Variants in RAB40B observed in about 807,000 individuals in gnomAD.
RAB40B encodes the protein ras-related protein Rab-40B.
Under a neutral mutation model 24.0 loss-of-function variants are expected in RAB40B, and 21 were observed. The ratio of observed to expected loss-of-function variants is 0.88; its 90% CI spans 0.62 to 1.26. RAB40B has a LOEUF of 1.26. RAB40B is among the 50% of genes most tolerant of loss of function. The pLI is 0.00. For synonymous variants in RAB40B, 167 were observed against 169.8 expected, an observed-to-expected ratio of 0.98 and a Z score of 0.13; for missense variants, 348 against 390.5, an observed-to-expected ratio of 0.89 and a Z score of 0.92.
chr17:82,671,772 C>T (rs2046340005), intron 1 of RAB40B, among the ~76,000 whole-genome samples: 1 of 28,792 alleles, frequency 3.5e-5, no homozygotes, highest in Non-Finnish European at 8.6e-5. Flanking sequence ...GCTCCCTGTA[C>T]CCACTGACAC....
At chr17:82,664,150 GT>G (rs1477687474) in intron 2 of RAB40B, among the ~76,000 whole-genome samples, 3 of 142,674 alleles carry the variant, frequency 2.1e-5, no homozygotes, top group Admixed American at 6.7e-5. Flanking sequence ...GATGGTGGTG[GT>G]GGGAGGGTGT....
At chr17:82,682,774 T>A (rs903432099) in intron 1 of RAB40B, among the ~76,000 whole-genome samples, 17 of 152,216 alleles carry the variant, frequency 1.1e-4, no homozygotes, top group African/African-American at 4.1e-4. Flanking sequence ...AATAGTCTTT[T>A]CAACAAATGC....
rs749591374 is a variant in RAB40B, at chr17:82,658,564, T to A, written c.492A>T (p.Thr164=). 3.7e-6 allele frequency: 6 copies of A among 1,613,342 alleles called. No homozygotes were observed. The East Asian group carries it at 1.1e-4, about 30-fold the overall frequency. Residue 164 remains threonine, a synonymous_variant, in exon 5 of 6, where the codon ACA becomes ACT. Transcript: ENST00000571995. ...EVSPLCNFNI[T]ESFTELARIV... ...TCCTGGCCAGCTCCGTGAACGACTC[T>A]GTGATGTTGAAATTGCACAGAGGGC...
intron 1 of RAB40B, among the ~76,000 whole-genome samples, chr17:82,682,618 G>A (rs746716374): frequency 6.6e-6 from 1 of 152,084 alleles, no homozygotes; most frequent in Non-Finnish European, 1.5e-5. Flanking sequence ...TCAAACTCAA[G>A]ACTTACTATA....
chr17:82,678,879 G>GTTTTTTTTTTTTTTTTTTTTT (rs35848277), intron 1 of RAB40B, among the ~76,000 whole-genome samples: 1 of 99,164 alleles, frequency 1.0e-5, no homozygotes, highest in African/African-American at 3.9e-5. Context: ...CCCTTTCTGC[G>GTTTTTTTTTTTTTTTTTTTTT]TTTTTTTTTT....
At chr17:82,669,867 G>A (rs1218753551) in intron 1 of RAB40B, among the ~76,000 whole-genome samples, 5 of 152,106 alleles carry the variant, frequency 3.3e-5, no homozygotes, top group Admixed American at 1.3e-4. Context: ...CACACTGAGC[G>A]TGAAACACAA....
chr17:82,664,169 GGGCGCTGTGCC>G (rs2046218751), intron 2 of RAB40B, among the ~76,000 whole-genome samples: 1 of 142,604 alleles, frequency 7.0e-6, no homozygotes, highest in African/African-American at 2.9e-5. Flanking sequence ...TGTTCCCCGG[GGGCGCTGTGCC>G]GACGGTGGTG....
chr17:82,693,957 C>T (rs1158853842), intron 1 of RAB40B, among the ~76,000 whole-genome samples: 2 of 151,282 alleles, frequency 1.3e-5, no homozygotes, highest in African/African-American at 2.5e-5. Context: ...GTGGCGCACA[C>T]CTGTAGTCCC....
chr17:82,664,628 G>C (rs2046231494), intron 1 of RAB40B, 72 bp from the exon 2 acceptor site: 1 of 1,435,894 alleles, frequency 7.0e-7, no homozygotes, highest in Admixed American at 1.8e-5. Flanking sequence ...CACGTTCAGG[G>C]AAGAAAAGGG....
chr17:82,658,535 AC>A lies in RAB40B; in HGVS notation c.520del (p.Val174CysfsTer17). On this transcript the variant is annotated frameshift_variant, in exon 5 of 6. Coordinates refer to ENST00000571995, the MANE Select transcript of RAB40B (RefSeq NM_006822.3). LOFTEE classifies it low-confidence loss of function (END_TRUNC). ...TESFTELARI[V>X]LLRHGMDRLW... The stretch of plus-strand genomic sequence containing the variant: ...CCGGTCCATCCCATGCCGCAGCAGC[AC>A]GATCCTGGCCAGCTCCGTGAACGAC... 1 of 1,613,084 alleles carries A rather than the reference AC, an allele frequency of 6.2e-7. No homozygotes were observed. The highest frequency in any genetic ancestry group is 1.3e-5 in the African/African-American group (1 of 74,736).
At chr17:82,674,266 G>C (rs1209156058) in intron 1 of RAB40B, among the ~76,000 whole-genome samples, 2 of 151,818 alleles carry the variant, frequency 1.3e-5, no homozygotes, top group Non-Finnish European at 2.9e-5. Flanking sequence ...CTGAGGCTGG[G>C]AGGCGGAGGT....
intron 1 of RAB40B, among the ~76,000 whole-genome samples, chr17:82,679,073 C>T (rs1484328114): frequency 2.7e-5 from 4 of 150,118 alleles, no homozygotes; most frequent in African/African-American, 7.4e-5. Context: ...TTAGTAGAGA[C>T]GGGGTTTCAC....
At chr17:82,680,289 C>T (rs1046558348) in intron 1 of RAB40B, among the ~76,000 whole-genome samples, 2 of 152,192 alleles carry the variant, frequency 1.3e-5, no homozygotes, top group Admixed American at 6.5e-5. Context: ...TCCAGTCCTG[C>T]CCTGGCCCTG....
intron 1 of RAB40B, among the ~76,000 whole-genome samples, chr17:82,665,241 A>G (rs1453927104): frequency 1.4e-5 from 2 of 139,938 alleles, no homozygotes; most frequent in African/African-American, 2.6e-5. Context: ...AAAAAACCCG[A>G]GAATGCCTTT....
At chr17:82,686,638 G>A (rs765457781) in intron 1 of RAB40B, among the ~76,000 whole-genome samples, 74 of 152,172 alleles carry the variant, frequency 4.9e-4, no homozygotes, top group Non-Finnish European at 7.5e-4. Flanking sequence ...AGTCAGGAAG[G>A]GTCCCCGCTT....
intron 2 of RAB40B, chr17:82,662,732 G>A: frequency 2.0e-6 from 2 of 985,368 alleles, no homozygotes; most frequent in Non-Finnish European, 2.4e-6. Context: ...GAAGCCCCCT[G>A]GGATCTCACT....
intron 2 of RAB40B, chr17:82,662,798 G>A: frequency 4.1e-6 from 4 of 985,272 alleles, no homozygotes; most frequent in Non-Finnish European, 3.6e-6. Context: ...CTGGGCAGCT[G>A]GGGTCAGGGA....
chr17:82,694,987 G>A (rs1259729136), intron 1 of RAB40B, among the ~76,000 whole-genome samples: 1 of 151,692 alleles, frequency 6.6e-6, no homozygotes, highest in East Asian at 1.9e-4. Context: ...GACATAAATG[G>A]TAAAAGGACT....
At chr17:82,678,802 C>T (rs1395829532) in intron 1 of RAB40B, among the ~76,000 whole-genome samples, 3 of 151,774 alleles carry the variant, frequency 2.0e-5, no homozygotes, top group South Asian at 2.1e-4. Flanking sequence ...GATTCAACGC[C>T]GCTTTACACC....
Sources: allele counts gnomAD v4.1 joint callset (sites outside exome capture counted in the v4.1 genomes callset), GRCh38; gene constraint gnomAD v4.1.1; transcripts MANE v1.5; gene names NCBI Gene and HGNC (gene_info 2026-07-23, HGNC 2026-07-21).